NRXN1: variants seen among roughly 807,000 people sequenced by gnomAD.
NRXN1 encodes the protein neurexin-1.
A neutral mutation model predicts 150.9 loss-of-function variants in NRXN1; 39 were observed. That is an observed-to-expected ratio of 0.26 (90% CI 0.20 to 0.34). NRXN1 has a LOEUF of 0.34. NRXN1 is among the 10% of genes least tolerant of loss of function. NRXN1 has a pLI of 1.00. For missense variants in NRXN1, 1,815 were observed against 1,949.9 expected (o/e 0.93, Z 1.30); for synonymous variants, 924 against 757.0 (o/e 1.22, Z -3.62).
At chr2:50,553,815 G>T (rs144340924) in intron 8 of NRXN1, among the ~76,000 whole-genome samples, 103 of 152,304 alleles carry the variant, frequency 6.8e-4, no homozygotes, top group Admixed American at 2.7e-3. Context: ...AGGCACTTCT[G>T]AGTGCTTACT....
At chr2:50,238,180 C>CA (rs1175464335) in intron 17 of NRXN1, among the ~76,000 whole-genome samples, 1 of 152,022 alleles carries the variant, frequency 6.6e-6, no homozygotes, top group Non-Finnish European at 1.5e-5. Context: ...CTCAATGCAT[C>CA]ATTCATTGGC....
chr2:50,687,183 G>A (rs1160132312), intron 5 of NRXN1, among the ~76,000 whole-genome samples: 1 of 152,104 alleles, frequency 6.6e-6, no homozygotes, highest in Non-Finnish European at 1.5e-5. Context: ...ATTTAAAGAT[G>A]GGATTAGTAA....
chr2:50,219,954 A>ATATATATAT (rs1336656026), intron 18 of NRXN1, among the ~76,000 whole-genome samples: 2 of 82,214 alleles, frequency 2.4e-5, no homozygotes, highest in East Asian at 3.0e-4. Flanking sequence ...TATATATATA[A>ATATATATAT]TATATATATT....
chr2:51,017,104 G>A (rs1009849947), intron 2 of NRXN1, among the ~76,000 whole-genome samples: 9 of 151,864 alleles, frequency 5.9e-5, no homozygotes, highest in Non-Finnish European at 1.3e-4. Context: ...GGGCCTGTCA[G>A]GGGGTGGGGG....
chr2:50,300,654 C>G (rs1442974955), intron 17 of NRXN1, among the ~76,000 whole-genome samples: 2 of 152,172 alleles, frequency 1.3e-5, no homozygotes, highest in Admixed American at 1.3e-4. Context: ...AAGCCATGCT[C>G]TTAAAGGGGA....
intron 21 of NRXN1, among the ~76,000 whole-genome samples, chr2:50,036,731 G>A (rs1278223047): frequency 6.6e-6 from 1 of 152,080 alleles, no homozygotes; most frequent in Non-Finnish European, 1.5e-5. Context: ...AATGTAACGT[G>A]AGTTCTGTAC....
intron 18 of NRXN1, among the ~76,000 whole-genome samples, chr2:50,138,979 A>G (rs1296219115): frequency 2.0e-5 from 3 of 152,196 alleles, no homozygotes; most frequent in African/African-American, 7.2e-5. Context: ...TAAAAGGTAA[A>G]GGTTTATTTT....
At chr2:50,759,500 T>C (rs1300820545) in intron 5 of NRXN1, among the ~76,000 whole-genome samples, 1 of 151,940 alleles carries the variant, frequency 6.6e-6, no homozygotes, top group Admixed American at 6.6e-5. Flanking sequence ...TCACTATGCA[T>C]CTCAACTCTT....
chr2:49,950,168 G>T (rs1328563183), intron 21 of NRXN1, among the ~76,000 whole-genome samples: 1 of 151,872 alleles, frequency 6.6e-6, no homozygotes. Context: ...ATAGGTATAT[G>T]ATTCCCAAAT....
chr2:50,643,388 C>T (rs1029685463), intron 5 of NRXN1, among the ~76,000 whole-genome samples: 1 of 151,956 alleles, frequency 6.6e-6, no homozygotes, highest in African/African-American at 2.4e-5. Context: ...AGATATCATT[C>T]TCTTCTGTAT....
In NRXN1 at chr2:50,650,346, T is replaced by C. The variant is rs1460462283; in HGVS notation, c.833-26731A>G. ...CATTGTGTGATAACACAGCACATTG[T>C]TTCTGTGGAGAAGTCAACACAGTTC... On this transcript the variant is annotated intron_variant, in intron 5 of 22. Coordinates refer to ENST00000401669, the MANE Select transcript of NRXN1 (RefSeq NM_001330078.2). Among the ~76,000 whole-genome samples the C allele has an allele frequency of 2.0e-5, 3 of 152,100 alleles. No homozygotes were observed. In the East Asian group the frequency reaches 5.8e-4, roughly 29 times the overall value.
At chr2:50,716,756 T>A (rs2105086922) in intron 5 of NRXN1, among the ~76,000 whole-genome samples, 1 of 152,314 alleles carries the variant, frequency 6.6e-6, no homozygotes, top group South Asian at 2.1e-4. Flanking sequence ...GACACCATGC[T>A]AGGCATCTTT....
At chr2:50,337,734 T>C (rs1328775706) in intron 17 of NRXN1, among the ~76,000 whole-genome samples, 2 of 152,170 alleles carry the variant, frequency 1.3e-5, no homozygotes, top group Non-Finnish European at 2.9e-5. Context: ...TTTTAATCAC[T>C]TCCTCACTAT....
intron 5 of NRXN1, among the ~76,000 whole-genome samples, chr2:50,768,328 A>G (rs2105431004): frequency 6.6e-6 from 1 of 152,214 alleles, no homozygotes; most frequent in South Asian, 2.1e-4. Flanking sequence ...ACTTTAGAAA[A>G]GAAAGCAACT....
intron 5 of NRXN1, among the ~76,000 whole-genome samples, chr2:50,787,285 C>A (rs371936056): frequency 6.6e-6 from 1 of 151,952 alleles, no homozygotes; most frequent in Non-Finnish European, 1.5e-5. Flanking sequence ...ACAGGCAGGG[C>A]GCTGTGGCTC....
intron 22 of NRXN1, among the ~76,000 whole-genome samples, chr2:49,929,550 G>A (rs541280033): frequency 2.0e-5 from 3 of 152,090 alleles, no homozygotes; most frequent in African/African-American, 7.2e-5. Context: ...ACTCCAATTT[G>A]TCTTCCATAT....
intron 5 of NRXN1, among the ~76,000 whole-genome samples, chr2:50,732,071 A>G (rs911572064): frequency 2.6e-5 from 4 of 152,300 alleles, no homozygotes; most frequent in Middle Eastern, 3.4e-3. Context: ...TGACCAATGA[A>G]CTTAATATAT....
intron 17 of NRXN1, among the ~76,000 whole-genome samples, chr2:50,333,570 A>T (rs901769016): frequency 1.3e-5 from 2 of 152,062 alleles, no homozygotes; most frequent in East Asian, 3.9e-4. Context: ...AGCAACTGGA[A>T]AATGGAAAAG....
At chr2:50,159,742 G>T (rs2059247479) in intron 18 of NRXN1, among the ~76,000 whole-genome samples, 2 of 152,202 alleles carry the variant, frequency 1.3e-5, no homozygotes, top group South Asian at 4.1e-4. Context: ...AAGAGGCAAA[G>T]AAATAGGAAA....
Sources: allele counts gnomAD v4.1 joint callset (sites outside exome capture counted in the v4.1 genomes callset), GRCh38; gene constraint gnomAD v4.1.1; transcripts MANE v1.5; gene names NCBI Gene and HGNC (gene_info 2026-07-23, HGNC 2026-07-21).